WDR72: variants seen among roughly 807,000 people sequenced by gnomAD.
WDR72 encodes the protein WD repeat-containing protein 72.
A neutral mutation model predicts 124.2 loss-of-function variants in WDR72; 120 were observed. The observed-to-expected ratio is 0.97, with a 90% CI of 0.83 to 1.12. WDR72 has a LOEUF of 1.12. WDR72 is among the 50% of genes most tolerant of loss of function. The pLI is 0.00. For synonymous variants in WDR72, 452 were observed against 441.7 expected, an observed-to-expected ratio of 1.02 and a Z score of -0.29; for missense variants, 1,387 against 1,278.8, an observed-to-expected ratio of 1.08 and a Z score of -1.29.
Position 53,597,185 on chromosome 15 carries a change from C to T in WDR72, c.3042G>A (p.Val1014=). ...LGKIPVNSQP[V]SMAENGNCEM... ...CACAGTTACCATTCTCTGCCATGGA[C>T]ACTGGTTGACTATTGACGGGTATCT... is the stretch of plus-strand genomic sequence containing the variant. The change falls in exon 18 of 20, where the codon GTG becomes GTA. Residue 1014 remains valine, a synonymous_variant. Transcript: ENST00000360509. 6.2e-7 allele frequency: 1 copy of T among 1,613,894 alleles called. No individual in the cohort carries two copies. The highest frequency in any genetic ancestry group is 8.5e-7 in the Non-Finnish European group (1 of 1,179,882).
At position 53,706,121 on chromosome 15, in the gene WDR72, G is replaced by C. The variant is rs375452465; in HGVS notation, c.955-47C>G. On this transcript the variant is annotated intron_variant, in intron 9 of 19. Coordinates refer to ENST00000360509, the MANE Select transcript of WDR72 (RefSeq NM_182758.4). ...ATGTAGGAAATATTCTAACTAGAGA[G>C]AGATGGCCACTGTTTTTAAATGGAG... The C allele has an allele frequency of 1.1e-5, 18 of 1,593,836 alleles. No homozygotes were observed. The African/African-American group carries it at 2.4e-4, about 21-fold the overall frequency.
At chr15:53,517,795 TAAAAAGAGA>T (rs1222451884) in intron 19 of WDR72, 41 bp from the exon 20 acceptor site, 3 of 1,595,938 alleles carry the variant, frequency 1.9e-6, no homozygotes, top group Non-Finnish European at 8.6e-7. Context: ...TGGTGAAATC[TAAAAAGAGA>T]AAAAAGAGAA....
chr15:53,598,462 C>A (rs7171619), intron 17 of WDR72, among the ~76,000 whole-genome samples: 1 of 151,674 alleles, frequency 6.6e-6, no homozygotes, highest in Non-Finnish European at 1.5e-5. Flanking sequence ...AAAAACTGAA[C>A]GTGTATTTAT....
At chr15:53,582,907 G>A (rs922885963) in intron 18 of WDR72, among the ~76,000 whole-genome samples, 2 of 151,672 alleles carry the variant, frequency 1.3e-5, no homozygotes, top group African/African-American at 4.8e-5. Flanking sequence ...TTTTTAAAAT[G>A]GGCAATATAT....
At chr15:53,678,144 T>G (rs552260342) in intron 13 of WDR72, among the ~76,000 whole-genome samples, 1 of 152,202 alleles carries the variant, frequency 6.6e-6, no homozygotes, top group African/African-American at 2.4e-5. Flanking sequence ...AGAACTTTAT[T>G]GGCAAGACAA....
chr15:53,536,716 G>A (rs1459345761), intron 18 of WDR72, among the ~76,000 whole-genome samples: 4 of 152,120 alleles, frequency 2.6e-5, no homozygotes, highest in African/African-American at 4.8e-5. Context: ...ATCTTTTAAC[G>A]GCATTGAAGC....
intron 18 of WDR72, among the ~76,000 whole-genome samples, chr15:53,578,805 G>A (rs890797828): frequency 1.3e-5 from 2 of 152,066 alleles, no homozygotes; most frequent in Non-Finnish European, 2.9e-5. Context: ...TTGACCTTTG[G>A]TTAACTACCT....
intron 14 of WDR72, among the ~76,000 whole-genome samples, chr15:53,637,529 A>G (rs2014669926): frequency 6.6e-6 from 1 of 152,212 alleles, no homozygotes; most frequent in South Asian, 2.1e-4. Context: ...AAATTCATTG[A>G]GTTGGCATAT....
rs186788266 is a variant in WDR72 at position 53,515,646 on chromosome 15, T to C, written c.*2053A>G. 19 of 152,314 alleles carry C rather than the reference T, an allele frequency of 1.2e-4. No homozygotes were observed. Among genetic ancestry groups the C allele is most frequent in the African/African-American group, 4.3e-4 (18 of 41,584 alleles). 9.4% of individuals were successfully genotyped at this position (152,314 alleles called of 1,614,324 possible). On this transcript the variant is annotated 3_prime_UTR_variant, in exon 20 of 20. Transcript: ENST00000360509. Reference sequence around the variant, plus strand: ...TGTTTAAATTTTAGAGATTCTAACATGCGATGCCGAAAAATCCTAACATTT... The same window carrying C: ...TGTTTAAATTTTAGAGATTCTAACACGCGATGCCGAAAAATCCTAACATTT...
At chr15:53,663,514 T>C (rs895606384) in intron 14 of WDR72, among the ~76,000 whole-genome samples, 1 of 152,170 alleles carries the variant, frequency 6.6e-6, no homozygotes, top group Non-Finnish European at 1.5e-5. Context: ...TACCACTACC[T>C]AAAGAGTAGC....
chr15:53,547,994 C>CAAA (rs1893559273), intron 18 of WDR72, among the ~76,000 whole-genome samples: 1 of 152,184 alleles, frequency 6.6e-6, no homozygotes, highest in Non-Finnish European at 1.5e-5. Context: ...TTGATGACGT[C>CAAA]TTTGTAATTG....
At chr15:53,760,942 G>T (rs2019052169), upstream of WDR72, among the ~76,000 whole-genome samples, 1 of 152,146 alleles carries the variant, frequency 6.6e-6, no homozygotes, top group African/African-American at 2.4e-5. Context: ...TGGTCAACAT[G>T]ATGAAAACCT....
chr15:53,531,766 A>T (rs1370108620), intron 18 of WDR72, among the ~76,000 whole-genome samples: 1 of 66,632 alleles, frequency 1.5e-5, no homozygotes, highest in East Asian at 6.2e-4. Flanking sequence ...TGGAGAGCTA[A>T]GAAATAGGAA....
chr15:53,725,486 C>T (rs1358419943), intron 2 of WDR72, among the ~76,000 whole-genome samples: 1 of 152,182 alleles, frequency 6.6e-6, no homozygotes, highest in Non-Finnish European at 1.5e-5. Flanking sequence ...AAAGCTGTGT[C>T]CACACAAAAA....
intron 5 of WDR72, 131 bp from the exon 6 acceptor site, chr15:53,714,641 T>C: frequency 1.4e-6 from 1 of 696,640 alleles, no homozygotes; most frequent in South Asian, 1.7e-5. Context: ...GAGTTACTTT[T>C]TAACTAGAAA....
intron 14 of WDR72, among the ~76,000 whole-genome samples, chr15:53,656,531 T>G (rs2015426701): frequency 6.6e-6 from 1 of 152,166 alleles, no homozygotes; most frequent in Non-Finnish European, 1.5e-5. Context: ...TAGGGCCAGT[T>G]TCAACATAAG....
intron 1 of WDR72, among the ~76,000 whole-genome samples, chr15:53,744,349 G>A (rs2018589590): frequency 6.6e-6 from 1 of 151,974 alleles, no homozygotes. Flanking sequence ...AGCCGTAGAG[G>A]GCTCAAACCA....
At chr15:53,665,852 G>A (rs908717226) in intron 13 of WDR72, 84 bp from the exon 14 acceptor site, 26 of 1,355,886 alleles carry the variant, frequency 1.9e-5, no homozygotes, top group Middle Eastern at 2.5e-4. Flanking sequence ...TTTAGCAGAA[G>A]AATCACAATC....
intron 1 of WDR72, among the ~76,000 whole-genome samples, chr15:53,746,843 T>C (rs2018655567): frequency 1.3e-5 from 2 of 152,174 alleles, no homozygotes; most frequent in African/African-American, 2.4e-5. Context: ...TTATTAAATG[T>C]ATTATAAATT....
Sources: gnomAD v4.1 joint callset for allele counts (sites outside exome capture counted in the v4.1 genomes callset) on GRCh38, gnomAD v4.1.1 for gene constraint, MANE v1.5 for transcripts, NCBI Gene and HGNC (gene_info 2026-07-23, HGNC 2026-07-21) for gene names.